The following AMMECR1 variants were observed in gnomAD, a reference collection of about 807,000 sequenced individuals.
The protein encoded by AMMECR1 is AMMECR nuclear protein 1, also known as nuclear protein AMMECR1.
In AMMECR1, 3 loss-of-function variants were observed where a neutral mutation model predicts 22.5. That is an observed-to-expected ratio of 0.13 (90% CI 0.06 to 0.35). AMMECR1 has a LOEUF of 0.35. Among genes scored for constraint, AMMECR1 ranks in the 10% least tolerant of loss-of-function variants. The pLI is 1.00. For synonymous variants in AMMECR1, 130 were observed against 116.7 expected, an observed-to-expected ratio of 1.11 and a Z score of -0.74; for missense variants, 235 against 278.7, an observed-to-expected ratio of 0.84 and a Z score of 1.12.
intron 2 of AMMECR1, among the ~76,000 whole-genome samples, chrX:110,242,129 T>C (rs2067636586): frequency 8.9e-6 from 1 of 111,737 alleles, no homozygotes; most frequent in Non-Finnish European, 1.9e-5. Flanking sequence ...TTTCCCTTAC[T>C]GTAAGACACA....
In AMMECR1 at chrX:110,197,352, T is replaced by C. The variant is rs1043557274; in HGVS notation, c.*1168A>G. The C allele has an allele frequency of 1.8e-5, 2 of 112,436 alleles. No individual in the cohort carries two copies. The highest frequency in any genetic ancestry group is 3.8e-5 in the Non-Finnish European group (2 of 53,207). The allele number at this position is 112,436 out of a possible 1,213,427, so 9.3% of individuals were successfully genotyped here. On this transcript the variant is annotated 3_prime_UTR_variant, in exon 6 of 6. Coordinates refer to ENST00000262844, the MANE Select transcript of AMMECR1 (RefSeq NM_015365.3). ...CTGAAATCATGGCAAATATGAACTTTTGTTTTACTAAATTATCTTTACCAT... is the reference window on the plus strand; with the variant it reads ...CTGAAATCATGGCAAATATGAACTTCTGTTTTACTAAATTATCTTTACCAT...
intron 2 of AMMECR1, among the ~76,000 whole-genome samples, chrX:110,249,218 G>A (rs771271775): frequency 9.0e-6 from 1 of 111,007 alleles, no homozygotes; most frequent in African/African-American, 3.3e-5. Flanking sequence ...GAAGAGAAAG[G>A]TTATTCAGTG....
rs1037172294 is a variant in AMMECR1, at chrX:110,248,448, T to G, written c.584+16041A>C. On this transcript the variant is annotated intron_variant, in intron 2 of 5. Coordinates refer to ENST00000262844, the MANE Select transcript of AMMECR1 (RefSeq NM_015365.3). Reference sequence around the variant, plus strand: ...TACAATCTGGAGAATTTTATTGTTTTTTTAAACCTTACTATTGTAAGAAAT... The same window carrying G: ...TACAATCTGGAGAATTTTATTGTTTGTTTAAACCTTACTATTGTAAGAAAT... Among the ~76,000 whole-genome samples the G allele has an allele frequency of 7.2e-5, 8 of 111,528 alleles. No individual in the cohort carries two copies. In the South Asian group the frequency reaches 1.1e-3, roughly 16 times the overall value.
chrX:110,208,779 T>G (rs1199478243), intron 3 of AMMECR1, among the ~76,000 whole-genome samples: 1 of 111,479 alleles, frequency 9.0e-6, no homozygotes, highest in African/African-American at 3.3e-5. Flanking sequence ...AAATTGATCT[T>G]ACTCTAAGAT....
intron 2 of AMMECR1, among the ~76,000 whole-genome samples, chrX:110,369,256 C>T (rs757896205): frequency 9.0e-6 from 1 of 111,046 alleles, no homozygotes; most frequent in East Asian, 2.8e-4. Context: ...TGCTTGAACC[C>T]GGGGGGTGGA....
At chrX:110,428,915 G>T (rs114747071) in intron 1 of AMMECR1, among the ~76,000 whole-genome samples, 2 of 112,287 alleles carry the variant, frequency 1.8e-5, no homozygotes, top group African/African-American at 6.5e-5. Context: ...TTCAGGGTCC[G>T]ATGCGACGGC....
chrX:110,285,892 G>A lies in AMMECR1; in HGVS notation c.474-21293C>T, dbSNP rs912410547. Among the ~76,000 whole-genome samples, 4 of 111,481 alleles carry A rather than the reference G, an allele frequency of 3.6e-5. No homozygotes were observed. The Admixed American group carries it at 3.8e-4, about 11-fold the overall frequency. ...TTACCAAAATGCTAGGATACAAGTAGCTTTGTGAGAGTATAAGGATACACA... is the reference window on the plus strand; with the variant it reads ...TTACCAAAATGCTAGGATACAAGTAACTTTGTGAGAGTATAAGGATACACA... On this transcript the variant is annotated intron_variant, in intron 1 of 5. Coordinates refer to ENST00000262844, the MANE Select transcript of AMMECR1 (RefSeq NM_015365.3).
chrX:110,355,918 C>A, intron 2 of AMMECR1, among the ~76,000 whole-genome samples: 1 of 111,419 alleles, frequency 9.0e-6, no homozygotes, highest in Middle Eastern at 4.6e-3. Flanking sequence ...TAAGAAAATT[C>A]TATCATTCAA....
chrX:110,330,821 A>G (rs975991198), intron 2 of AMMECR1, among the ~76,000 whole-genome samples: 1 of 111,287 alleles, frequency 9.0e-6, no homozygotes, highest in Non-Finnish European at 1.9e-5. Flanking sequence ...ACCTTTGCCT[A>G]CTGTGTTGCC....
intron 2 of AMMECR1, among the ~76,000 whole-genome samples, chrX:110,375,364 G>A (rs1474518104): frequency 9.0e-6 from 1 of 111,577 alleles, no homozygotes; most frequent in African/African-American, 3.3e-5. Context: ...CCTACTAACC[G>A]CACAACTTTG....
At chrX:110,427,187 T>G (rs1039859791) in intron 1 of AMMECR1, among the ~76,000 whole-genome samples, 20 of 112,000 alleles carry the variant, frequency 1.8e-4, no homozygotes, top group Non-Finnish European at 3.2e-4. Context: ...CCTTCTGGTT[T>G]TCTCACCTTC....
At chrX:110,375,537 G>GATGA (rs72153865) in intron 2 of AMMECR1, among the ~76,000 whole-genome samples, 35 of 109,459 alleles carry the variant, frequency 3.2e-4, no homozygotes, top group Admixed American at 6.8e-4. Context: ...TGGATGAATA[G>GATGA]ATGAATGAAT....
intron 1 of AMMECR1, among the ~76,000 whole-genome samples, chrX:110,281,824 T>C (rs892215065): frequency 1.8e-5 from 2 of 112,464 alleles, no homozygotes; most frequent in African/African-American, 6.5e-5. Context: ...GCTTTATTTT[T>C]CTTCACAGTA....
intron 1 of AMMECR1, among the ~76,000 whole-genome samples, chrX:110,431,858 G>A (rs1414896829): frequency 8.9e-6 from 1 of 111,906 alleles, no homozygotes; most frequent in East Asian, 2.8e-4. Context: ...AGCTGGCAAG[G>A]TCTGGGCTAC....
chrX:110,345,499 AAAAT>A (rs1387826875), intron 2 of AMMECR1, among the ~76,000 whole-genome samples: 206 of 108,000 alleles, frequency 1.9e-3, no homozygotes, highest in African/African-American at 6.9e-3. Context: ...TGTAATAAAA[AAAAT>A]ATATATATAT....
chrX:110,330,731 G>A (rs954824328), intron 2 of AMMECR1, among the ~76,000 whole-genome samples: 5 of 111,276 alleles, frequency 4.5e-5, no homozygotes. Context: ...CCACTAACTT[G>A]TCTGAGATTT....
chrX:110,435,281 G>A (rs2068830398), intron 1 of AMMECR1, among the ~76,000 whole-genome samples: 1 of 111,626 alleles, frequency 9.0e-6, no homozygotes, highest in Non-Finnish European at 1.9e-5. Context: ...TAGTGTGGGA[G>A]TATCTTCTAA....
chrX:110,247,352 T>C (rs1249150361), intron 2 of AMMECR1, among the ~76,000 whole-genome samples: 1 of 111,997 alleles, frequency 8.9e-6, no homozygotes, highest in African/African-American at 3.2e-5. Context: ...GCCTAGGTGA[T>C]TGAGACCACC....
intron 1 of AMMECR1, among the ~76,000 whole-genome samples, chrX:110,288,010 T>C (rs775731234): frequency 9.3e-4 from 104 of 111,999 alleles, no homozygotes; most frequent in Non-Finnish European, 1.6e-3. Flanking sequence ...ATGAATAGAA[T>C]TTAATATACA....
Sources: allele counts gnomAD v4.1 joint callset (sites outside exome capture counted in the v4.1 genomes callset), GRCh38; gene constraint gnomAD v4.1.1; transcripts MANE v1.5; gene names NCBI Gene and HGNC (gene_info 2026-07-23, HGNC 2026-07-21).